Variants in ADAM23 observed in about 807,000 individuals in gnomAD.
ADAM23 encodes the protein disintegrin and metalloproteinase domain-containing protein 23.
Under a neutral mutation model 120.1 loss-of-function variants are expected in ADAM23, and 33 were observed. The observed-to-expected ratio is 0.27, with a 90% CI of 0.21 to 0.37. The LOEUF is 0.37. ADAM23 is among the 10% of genes least tolerant of loss of function. The pLI is 1.00. For missense variants in ADAM23, 862 were observed against 1,058.2 expected (o/e 0.81, Z 2.57); for synonymous variants, 367 against 375.2 (o/e 0.98, Z 0.25).
At chr2:206,559,865 C>T (rs917669752) in intron 10 of ADAM23, 90 bp from the exon 11 acceptor site, 2 of 1,183,032 alleles carry the variant, frequency 1.7e-6, no homozygotes, top group Admixed American at 2.2e-5. Flanking sequence ...TCACCTCCCC[C>T]TTCCTGTCCT....
intron 6 of ADAM23, among the ~76,000 whole-genome samples, chr2:206,546,620 T>C (rs1415676017): frequency 6.6e-6 from 1 of 152,158 alleles, no homozygotes; most frequent in Non-Finnish European, 1.5e-5. Context: ...TGTTTCAGAA[T>C]ATGTTCTTCC....
intron 2 of ADAM23, among the ~76,000 whole-genome samples, chr2:206,461,519 A>G (rs1183663097): frequency 1.3e-5 from 2 of 152,214 alleles, no homozygotes; most frequent in African/African-American, 2.4e-5. Flanking sequence ...AATTTTAAAA[A>G]TAAGGAGGTT....
intron 18 of ADAM23, among the ~76,000 whole-genome samples, chr2:206,585,998 G>A (rs1367735700): frequency 6.6e-6 from 1 of 152,204 alleles, no homozygotes; most frequent in African/African-American, 2.4e-5. Flanking sequence ...TGATATTTGA[G>A]CAAAGCTCTA....
intron 16 of ADAM23, among the ~76,000 whole-genome samples, chr2:206,571,489 G>GA (rs903917175): frequency 2.6e-4 from 39 of 148,278 alleles, no homozygotes; most frequent in South Asian, 1.5e-3. Flanking sequence ...AAACAAAAAG[G>GA]AAAAAAAAAA....
At chr2:206,535,481 A>G (rs1400598299) in intron 4 of ADAM23, among the ~76,000 whole-genome samples, 1 of 152,244 alleles carries the variant, frequency 6.6e-6, no homozygotes, top group Non-Finnish European at 1.5e-5. Flanking sequence ...AATTAAATAC[A>G]TATGTCCACA....
At chr2:206,471,376 T>C (rs1281046230) in intron 2 of ADAM23, among the ~76,000 whole-genome samples, 1 of 152,228 alleles carries the variant, frequency 6.6e-6, no homozygotes, top group East Asian at 1.9e-4. Flanking sequence ...GATTGATATT[T>C]GCATTGACAT....
At chr2:206,474,925 G>A (rs1312775353) in intron 2 of ADAM23, among the ~76,000 whole-genome samples, 1 of 152,068 alleles carries the variant, frequency 6.6e-6, no homozygotes, top group Non-Finnish European at 1.5e-5. Context: ...ATGTTGTTAA[G>A]CTATTATTAT....
At chr2:206,590,762 G>T (rs1456022250) in intron 21 of ADAM23, among the ~76,000 whole-genome samples, 1 of 152,170 alleles carries the variant, frequency 6.6e-6, no homozygotes, top group Non-Finnish European at 1.5e-5. Flanking sequence ...ATGTTCCAAG[G>T]TGTTGATCCT....
chr2:206,579,453 G>A (rs972651299), intron 18 of ADAM23, among the ~76,000 whole-genome samples: 1 of 152,090 alleles, frequency 6.6e-6, no homozygotes, highest in African/African-American at 2.4e-5. Context: ...CCTACATGTG[G>A]CTAGCCATTT....
At chr2:206,601,772 C>CAAA (rs35118372) in intron 24 of ADAM23, among the ~76,000 whole-genome samples, 1 of 81,170 alleles carries the variant, frequency 1.2e-5, no homozygotes, top group African/African-American at 4.5e-5. Flanking sequence ...AGACCCTTCT[C>CAAA]AAAAAAAAAA....
intron 6 of ADAM23, among the ~76,000 whole-genome samples, 186 bp from the exon 7 acceptor site, chr2:206,547,243 A>G (rs554860187): frequency 6.6e-6 from 1 of 152,314 alleles, no homozygotes; most frequent in South Asian, 2.1e-4. Context: ...AACTGGGGCA[A>G]TTAGATGATA....
chr2:206,611,658 G>A (rs1169395609), intron 25 of ADAM23, among the ~76,000 whole-genome samples: 2 of 152,178 alleles, frequency 1.3e-5, no homozygotes, highest in Non-Finnish European at 2.9e-5. Flanking sequence ...CATATGCAAT[G>A]CCAAATTTAT....
In ADAM23 at chr2:206,506,632, T is replaced by C. The variant is rs1268422186; in HGVS notation, c.510-24253T>C. Reference sequence around the variant, plus strand: ...ATAGCTTGAAATCTGTATTTCCATATTGAGGTAAACAGAGTACCTTCATTT... The same window carrying C: ...ATAGCTTGAAATCTGTATTTCCATACTGAGGTAAACAGAGTACCTTCATTT... On this transcript the variant is annotated intron_variant, in intron 3 of 25. Coordinates refer to ENST00000264377, the MANE Select transcript of ADAM23 (RefSeq NM_003812.4). 2.6e-5 allele frequency among the ~76,000 whole-genome samples: 4 copies of C among 152,352 alleles called. No homozygotes were observed. The East Asian group carries it at 5.8e-4, about 22-fold the overall frequency.
rs774834103 is a variant in ADAM23 at position 206,589,550 on chromosome 2, T to G, written c.1958+36T>G. 97 of 1,548,098 alleles carry G rather than the reference T, an allele frequency of 6.3e-5. No individual in the cohort carries two copies. In the East Asian group the frequency reaches 2.2e-3, roughly 35 times the overall value. ...AGCTCTAAGGGCATAGTCACTGGAC[T>G]TGGAAGCCCTTCTTATGCAAGTGCA... On this transcript the variant is annotated intron_variant, in intron 21 of 25. Coordinates refer to ENST00000264377, the MANE Select transcript of ADAM23 (RefSeq NM_003812.4).
rs77860470 is a variant in ADAM23, at chr2:206,458,077, A to G, written c.432+12553A>G. Among the ~76,000 whole-genome samples the G allele has an allele frequency of 2.9e-4, 44 of 152,346 alleles. No individual in the cohort carries two copies. In the East Asian group the frequency reaches 6.9e-3, roughly 24 times the overall value. On this transcript the variant is annotated intron_variant, in intron 2 of 25. Transcript: ENST00000264377. ...AAATATGATTGTGCTGCTAGGCTGT[A>G]TAGAATGTCAGAAATTCCTTTGACT...
chr2:206,455,015 C>T (rs1203549337), intron 2 of ADAM23, among the ~76,000 whole-genome samples: 1 of 152,224 alleles, frequency 6.6e-6, no homozygotes, highest in Non-Finnish European at 1.5e-5. Flanking sequence ...CTCACAGCTC[C>T]AATAGGCAGT....
intron 2 of ADAM23, among the ~76,000 whole-genome samples, chr2:206,471,101 CAGG>C (rs1656136956): frequency 6.6e-6 from 1 of 152,144 alleles, no homozygotes. Flanking sequence ...CGAGGTATTT[CAGG>C]AGAAGAGAGC....
Position 206,456,654 on chromosome 2 carries a change from T to C in ADAM23, c.432+11130T>C, listed in dbSNP as rs114195359. 4.7e-3 allele frequency among the ~76,000 whole-genome samples: 712 copies of C among 152,284 alleles called. 6 individuals carry two copies. The highest frequency in any genetic ancestry group is 0.016 in the African/African-American group (670 of 41,570). ...AGCTGGGCACACTCACTTTTGCTTA[T>C]CTGCATGACAGTGAGGGAGTCATCC... On this transcript the variant is annotated intron_variant, in intron 2 of 25. Coordinates refer to ENST00000264377, the MANE Select transcript of ADAM23 (RefSeq NM_003812.4).
rs554381191 is a variant in ADAM23 at position 206,522,097 on chromosome 2, TTTA to T, written c.510-8785_510-8783del. 3.4e-3 allele frequency among the ~76,000 whole-genome samples: 517 copies of T among 152,162 alleles called. 3 individuals are homozygous for T. Among genetic ancestry groups the T allele is most frequent in the African/African-American group, 0.012 (485 of 41,554 alleles). On this transcript the variant is annotated intron_variant, in intron 3 of 25. Transcript: ENST00000264377. ...TTCTTCATGTTTATTTAAATCCAAGTTTATTCATAGGTTATATATATGTATGTA... is the reference window on the plus strand; with the variant it reads ...TTCTTCATGTTTATTTAAATCCAAGTTTCATAGGTTATATATATGTATGTA...
Sources: gnomAD v4.1 joint callset for allele counts (sites outside exome capture counted in the v4.1 genomes callset) on GRCh38, gnomAD v4.1.1 for gene constraint, MANE v1.5 for transcripts, NCBI Gene and HGNC (gene_info 2026-07-23, HGNC 2026-07-21) for gene names.